Variants in TNRC18 observed in about 807,000 individuals in gnomAD.
The protein encoded by TNRC18 is trinucleotide repeat-containing gene 18 protein.
Under a neutral mutation model 226.7 loss-of-function variants are expected in TNRC18, and 69 were observed. The ratio of observed to expected loss-of-function variants is 0.30; its 90% CI spans 0.25 to 0.37. The LOEUF (loss-of-function observed/expected upper bound fraction) is 0.37. Ranked by LOEUF, TNRC18 falls within the 10% of genes least tolerant of loss-of-function variation. The pLI is 1.00. For missense variants in TNRC18, 4,754 were observed against 4,256.6 expected (o/e 1.12, Z -3.25); for synonymous variants, 2,449 against 1,927.6 (o/e 1.27, Z -7.09).
intron 2 of TNRC18, among the ~76,000 whole-genome samples, chr7:5,400,796 C>T (rs1437875177): frequency 2.0e-5 from 3 of 151,972 alleles, no homozygotes; most frequent in African/African-American, 7.2e-5. Flanking sequence ...CTCAGCACTA[C>T]CAGAGGTCAA....
chr7:5,320,447 T>G (rs758409287), intron 23 of TNRC18, 21 bp from the exon 24 acceptor site: 1 of 1,562,396 alleles, frequency 6.4e-7, no homozygotes, highest in Non-Finnish European at 8.7e-7. Context: ...ATGGGATGAG[T>G]GCAAGGTGTG....
intron 15 of TNRC18, among the ~76,000 whole-genome samples, chr7:5,359,189 G>A (rs536766123): frequency 1.2e-4 from 18 of 152,192 alleles, no homozygotes; most frequent in Non-Finnish European, 1.9e-4. Flanking sequence ...GCTGTGTTAC[G>A]TCGGTAGGTC....
At chr7:5,397,234 C>T (rs995039492) in intron 2 of TNRC18, among the ~76,000 whole-genome samples, 10 of 152,214 alleles carry the variant, frequency 6.6e-5, no homozygotes, top group African/African-American at 2.2e-4. Flanking sequence ...CCCGGGCTTC[C>T]GCCTTGCTGT....
rs374814125 is a variant in TNRC18, at chr7:5,399,609, G to A, written c.188-5014C>T. On this transcript the variant is annotated intron_variant, in intron 2 of 29. Coordinates refer to ENST00000430969, the MANE Select transcript of TNRC18 (RefSeq NM_001080495.3). ...TAATCCCAGCTACTCAGGAGGCTGA[G>A]GCAGGGGAATTGCTTGAACCCAGGA... Among the ~76,000 whole-genome samples, 180 of 152,256 alleles carry A rather than the reference G, an allele frequency of 1.2e-3. 1 individual carries two copies. Among genetic ancestry groups the A allele is most frequent in the African/African-American group, 4.3e-3 (179 of 41,542 alleles).
chr7:5,322,188 G>T (rs1413575944), intron 21 of TNRC18, among the ~76,000 whole-genome samples: 2 of 151,904 alleles, frequency 1.3e-5, no homozygotes, highest in African/African-American at 4.8e-5. Context: ...TGAGGCAAAA[G>T]AATTGCTTGA....
intron 2 of TNRC18, among the ~76,000 whole-genome samples, chr7:5,408,299 A>C (rs1781612976): frequency 7.6e-6 from 1 of 131,724 alleles, no homozygotes; most frequent in East Asian, 2.1e-4. Context: ...CTTCCGTCTC[A>C]AAAAAAAAAA....
chr7:5,345,438 G>A (rs1791076366), intron 18 of TNRC18, 124 bp downstream of exon 18: 6 of 980,324 alleles, frequency 6.1e-6, no homozygotes, highest in Admixed American at 2.8e-5. Flanking sequence ...CACGAGGCTG[G>A]GGTTCTGCCC....
intron 16 of TNRC18, among the ~76,000 whole-genome samples, chr7:5,353,477 T>G (rs1246652973): frequency 6.6e-6 from 1 of 150,432 alleles, no homozygotes. Context: ...GAGGATCACT[T>G]GAACCCGGGA....
chr7:5,310,825 C>T (rs1053580393), intron 27 of TNRC18, among the ~76,000 whole-genome samples: 1 of 152,270 alleles, frequency 6.6e-6, no homozygotes, highest in Non-Finnish European at 1.5e-5. Context: ...TCCCTGCCAG[C>T]CTGTCTGAAC....
At chr7:5,351,679 T>A (rs1732089175) in intron 17 of TNRC18, 140 bp downstream of exon 17, 2 of 903,526 alleles carry the variant, frequency 2.2e-6, no homozygotes, top group Non-Finnish European at 3.3e-6. Flanking sequence ...AGAACCCAGA[T>A]GGCAGCCTTC....
chr7:5,396,904 C>A (rs573572681), intron 2 of TNRC18, among the ~76,000 whole-genome samples: 1 of 152,328 alleles, frequency 6.6e-6, no homozygotes, highest in African/African-American at 2.4e-5. Flanking sequence ...CAAGTGCTCA[C>A]TGACCGCCTC....
At chr7:5,349,156 C>T (rs370774424) in intron 17 of TNRC18, among the ~76,000 whole-genome samples, 1 of 152,222 alleles carries the variant, frequency 6.6e-6, no homozygotes, top group African/African-American at 2.4e-5. Context: ...AAGCCGAGAG[C>T]AGCCCAATGC....
intron 16 of TNRC18, among the ~76,000 whole-genome samples, chr7:5,352,963 A>G (rs572083085): frequency 1.3e-5 from 2 of 152,280 alleles, no homozygotes; most frequent in African/African-American, 4.8e-5. Flanking sequence ...AGCACCTGCC[A>G]CCTCCGAGTC....
chr7:5,420,741 T>C, intron 2 of TNRC18: 1 of 585,088 alleles, frequency 1.7e-6, no homozygotes, highest in Non-Finnish European at 3.2e-6. Flanking sequence ...CTCGCCCAGA[T>C]TTTGAAAACT....
At position 5,377,374 on chromosome 7, in the gene TNRC18, A is replaced by G. The variant is rs1268111560; in HGVS notation, c.2458T>C (p.Tyr820His). The change falls in exon 7 of 30, where the codon TAC becomes CAC. Residue 820 changes from tyrosine to histidine, a missense_variant. Transcript: ENST00000430969. This position sits in a 1 kb window ranked among gnomAD's most constrained non-coding sequence, Gnocchi z 5.8. Reference sequence around the variant, plus strand: ...AGACCCTGTGCCCCACACTCACCGTAGGGGTGTCCAGCGAGCCACATGGAT... The same window carrying G: ...AGACCCTGTGCCCCACACTCACCGTGGGGGTGTCCAGCGAGCCACATGGAT... Reference protein sequence around the residue: ...NASMWLAGHPYGLGPPSLHQG... With the variant: ...NASMWLAGHPHGLGPPSLHQG... The G allele has an allele frequency of 7.0e-7, 1 of 1,425,416 alleles. No individual in the cohort carries two copies. Among genetic ancestry groups the G allele is most frequent in the East Asian group, 3.5e-5 (1 of 28,170 alleles). The allele number at this position is 1,425,416 out of a possible 1,614,324, so 88.3% of individuals were successfully genotyped here. A position where few individuals can be genotyped will look rare whatever the true frequency, so the allele number is the denominator to read the frequency against.
intron 18 of TNRC18, 132 bp from the exon 19 acceptor site, chr7:5,333,181 G>A (rs1178747082): frequency 2.9e-6 from 3 of 1,024,150 alleles, no homozygotes; most frequent in South Asian, 1.4e-5. Context: ...GTTTCCAGGA[G>A]AGGAAACTGA....
chr7:5,343,560 C>T (rs576509763), intron 18 of TNRC18, among the ~76,000 whole-genome samples: 1 of 152,170 alleles, frequency 6.6e-6, no homozygotes, highest in East Asian at 1.9e-4. Flanking sequence ...GTAGCTGGGA[C>T]CAGAGGCGCA....
chr7:5,385,513 A>AG (rs1391027301), intron 5 of TNRC18, among the ~76,000 whole-genome samples: 11 of 147,618 alleles, frequency 7.5e-5, no homozygotes, highest in Non-Finnish European at 8.9e-5. Context: ...AAAAAAAAAA[A>AG]AAAAGAAAAA....
chr7:5,308,843 A>AAACC, intron 29 of TNRC18, 32 bp downstream of exon 29: 1 of 835,960 alleles, frequency 1.2e-6, no homozygotes, highest in Non-Finnish European at 1.9e-6. Flanking sequence ...GCCATCCCCA[A>AAACC]CCCGCCCACC....
Sources: gnomAD v4.1 joint callset for allele counts (sites outside exome capture counted in the v4.1 genomes callset) on GRCh38, gnomAD v4.1.1 for gene constraint, Gnocchi (gnomAD v3.1) non-coding constraint, MANE v1.5 for transcripts, NCBI Gene and HGNC (gene_info 2026-07-23, HGNC 2026-07-21) for gene names.